Variants in KCNK10 observed in about 807,000 individuals in gnomAD.
KCNK10 encodes the protein potassium channel subfamily K member 10.
In KCNK10, 25 loss-of-function variants were observed where a neutral mutation model predicts 47.7. That is an observed-to-expected ratio of 0.52 (90% CI 0.38 to 0.73). The LOEUF (loss-of-function observed/expected upper bound fraction) is 0.73. Ranked by LOEUF, KCNK10 falls within the 30% of genes least tolerant of loss-of-function variation. The probability of loss-of-function intolerance (pLI) is 0.00; values close to 1 mark genes in which losing one functional copy is unlikely to be tolerated. For missense variants in KCNK10, 563 were observed against 714.5 expected, an observed-to-expected ratio of 0.79 and a Z score of 2.42; for synonymous variants, 303 against 285.6, an observed-to-expected ratio of 1.06 and a Z score of -0.61.
At chr14:88,257,917 T>C (rs1887002610) in intron 2 of KCNK10, among the ~76,000 whole-genome samples, 1 of 152,120 alleles carries the variant, frequency 6.6e-6, no homozygotes, top group Admixed American at 6.5e-5. Flanking sequence ...GGGGGGTCTA[T>C]GCTGTGCATT....
chr14:88,193,620 C>T (rs183571185), intron 4 of KCNK10, among the ~76,000 whole-genome samples: 10 of 152,250 alleles, frequency 6.6e-5, no homozygotes, highest in Admixed American at 3.9e-4. Context: ...ATAGGAAATC[C>T]GTACCATGAG....
intron 1 of KCNK10, among the ~76,000 whole-genome samples, chr14:88,275,351 G>A (rs1006476208): frequency 3.9e-5 from 6 of 152,002 alleles, no homozygotes; most frequent in African/African-American, 7.3e-5. Context: ...TCCCTCCTAA[G>A]TGACTTCAGC....
intron 1 of KCNK10, among the ~76,000 whole-genome samples, chr14:88,311,130 AT>A (rs140115487): frequency 0.023 from 3,567 of 152,276 alleles, 50 homozygotes; most frequent in African/African-American, 0.035. Context: ...CTGTTAAAAT[AT>A]TTTAACAGCT....
rs774799261 is a variant in KCNK10, at chr14:88,260,278, C to T, written c.402+2924G>A. On this transcript the variant is annotated intron_variant, in intron 2 of 6. Coordinates refer to ENST00000319231, the MANE Select transcript of KCNK10 (RefSeq NM_138317.3). The surrounding 1 kb of genome is among the most constrained non-coding windows in gnomAD (Gnocchi z 4.5). ...TGTTTAAAAGTGTGTAGCATCCCTC[C>T]CTTTGCTCTCTCTTCCTCCTGCTCC... Among the ~76,000 whole-genome samples, 5 of 152,132 alleles carry T rather than the reference C, an allele frequency of 3.3e-5. No homozygotes were observed. The highest frequency in any genetic ancestry group is 7.3e-5 in the Non-Finnish European group (5 of 68,034).
intron 1 of KCNK10, among the ~76,000 whole-genome samples, chr14:88,275,983 G>A (rs1887518026): frequency 6.6e-6 from 1 of 152,140 alleles, no homozygotes; most frequent in Non-Finnish European, 1.5e-5. Flanking sequence ...AAGGACAGGT[G>A]CACAGAACAA....
At chr14:88,292,683 G>T (rs1887907596) in intron 1 of KCNK10, among the ~76,000 whole-genome samples, 1 of 151,756 alleles carries the variant, frequency 6.6e-6, no homozygotes, top group Non-Finnish European at 1.5e-5. Flanking sequence ...CCCAGGCTGG[G>T]GTGCAGTGGC....
intron 4 of KCNK10, among the ~76,000 whole-genome samples, chr14:88,208,517 A>C (rs993781636): frequency 6.6e-5 from 10 of 152,246 alleles, no homozygotes; most frequent in African/African-American, 2.4e-4. Context: ...AGAAGCATAC[A>C]GCAATGTCAG....
At chr14:88,213,806 G>T (rs559863789) in intron 4 of KCNK10, among the ~76,000 whole-genome samples, 4 of 152,072 alleles carry the variant, frequency 2.6e-5, no homozygotes, top group African/African-American at 9.6e-5. Context: ...AAAAGGAAGA[G>T]ATATTTAATA....
upstream of KCNK10, among the ~76,000 whole-genome samples, chr14:88,325,657 G>T (rs139089725): frequency 6.8e-6 from 1 of 147,566 alleles, no homozygotes; most frequent in Non-Finnish European, 1.5e-5. Context: ...GGTAATGAAG[G>T]TCTAAATACG....
At chr14:88,275,904 T>A (rs769568927) in intron 1 of KCNK10, among the ~76,000 whole-genome samples, 7 of 151,710 alleles carry the variant, frequency 4.6e-5, no homozygotes, top group South Asian at 2.1e-4. Context: ...TAGGCTCCGG[T>A]AGACCAAGGA....
chr14:88,262,803 G>C (rs748190765), intron 2 of KCNK10, among the ~76,000 whole-genome samples: 12 of 152,068 alleles, frequency 7.9e-5, no homozygotes, highest in African/African-American at 2.4e-4. Context: ...CATGGACCTT[G>C]GACAGGTTAA....
At chr14:88,274,469 G>A (rs571291915) in intron 1 of KCNK10, among the ~76,000 whole-genome samples, 3 of 147,274 alleles carry the variant, frequency 2.0e-5, no homozygotes, top group East Asian at 4.3e-4. Flanking sequence ...GCTGAGGCAG[G>A]AGAATTGGGA....
At chr14:88,265,630 G>A (rs422107) in intron 1 of KCNK10, among the ~76,000 whole-genome samples, 9,435 of 152,212 alleles carry the variant, frequency 0.062, 394 homozygotes, top group East Asian at 0.11. Context: ...ATTAGTTCAG[G>A]TTTCCTGATA....
chr14:88,308,590 AG>A (rs1480916317), intron 1 of KCNK10, among the ~76,000 whole-genome samples: 1 of 152,268 alleles, frequency 6.6e-6, no homozygotes, highest in Non-Finnish European at 1.5e-5. Flanking sequence ...ATCCCGGCAC[AG>A]GCACACTTGT....
intron 4 of KCNK10, among the ~76,000 whole-genome samples, chr14:88,211,048 A>G (rs965367824): frequency 1.4e-4 from 22 of 152,212 alleles, no homozygotes; most frequent in Non-Finnish European, 7.3e-5. Context: ...ATAGATGTTT[A>G]TACACCCATG....
chr14:88,270,208 T>C (rs569378721), intron 1 of KCNK10, among the ~76,000 whole-genome samples: 1 of 152,006 alleles, frequency 6.6e-6, no homozygotes, highest in African/African-American at 2.4e-5. Context: ...TCAGCCTGCA[T>C]AGGCATAGGC....
chr14:88,279,664 T>C (rs538106947), intron 1 of KCNK10, among the ~76,000 whole-genome samples: 200 of 152,170 alleles, frequency 1.3e-3, no homozygotes, highest in African/African-American at 4.6e-3. Context: ...AGCTCTAAGG[T>C]AAGGGACAGG....
intron 3 of KCNK10, among the ~76,000 whole-genome samples, chr14:88,230,924 C>G (rs2139877067): frequency 6.6e-6 from 1 of 152,314 alleles, no homozygotes; most frequent in Admixed American, 6.5e-5. Flanking sequence ...TGCACGTTAA[C>G]TAGTAAGAAC....
At position 88,263,449 on chromosome 14, in the gene KCNK10, G is replaced by C. The variant is rs371294105; in HGVS notation, c.155C>G (p.Ser52Cys). 157 of 1,614,050 alleles carry C rather than the reference G, an allele frequency of 9.7e-5. No individual in the cohort carries two copies. The highest frequency in any genetic ancestry group is 1.3e-4 in the Non-Finnish European group (151 of 1,180,060). ...PTPTPRLSIS[S>C]RATVVARMEG... is the part of the protein sequence containing the mutation. ...CATCCTGGCTACCACTGTGGCTCGGGAGGAAATGGACAGGCGCGGAGTTGG... is the reference window on the plus strand; with the variant it reads ...CATCCTGGCTACCACTGTGGCTCGGCAGGAAATGGACAGGCGCGGAGTTGG... Residue 52 changes from serine (S) to cysteine (C), a missense_variant, in exon 2 of 7, where the codon TCC (serine) becomes TGC (cysteine). Physicochemically the swap from Ser to Cys is moderately radical, Grantham distance 112 (BLOSUM62 -1). Transcript: ENST00000319231.
Sources: allele counts gnomAD v4.1 joint callset (sites outside exome capture counted in the v4.1 genomes callset), GRCh38; gene constraint gnomAD v4.1.1; non-coding constraint Gnocchi (gnomAD v3.1); transcripts MANE v1.5; gene names NCBI Gene and HGNC (gene_info 2026-07-23, HGNC 2026-07-21).